NPAS3: variants seen among roughly 807,000 people sequenced by gnomAD.
The protein encoded by NPAS3 is neuronal PAS domain protein 3.
In NPAS3, 14 loss-of-function variants were observed where a neutral mutation model predicts 73.1. The ratio of observed to expected loss-of-function variants is 0.19; its 90% CI spans 0.13 to 0.30. The LOEUF (loss-of-function observed/expected upper bound fraction) is 0.30, where lower values mean the gene tolerates loss of function less well. Ranked by LOEUF, NPAS3 falls within the 10% of genes least tolerant of loss-of-function variation. The probability of loss-of-function intolerance (pLI) is 1.00; values close to 1 mark genes in which losing one functional copy is unlikely to be tolerated. For synonymous variants in NPAS3, 620 were observed against 541.5 expected (o/e 1.14, Z -2.01); for missense variants, 1,096 against 1,250.0 (o/e 0.88, Z 1.86).
At chr14:33,501,775 C>A (rs1428685152) in intron 4 of NPAS3, among the ~76,000 whole-genome samples, 2 of 151,824 alleles carry the variant, frequency 1.3e-5, no homozygotes, top group Non-Finnish European at 1.5e-5. Context: ...CTCCTAAGAC[C>A]TCCTTTAAGA....
chr14:33,186,832 T>G (rs2045994497), intron 2 of NPAS3, among the ~76,000 whole-genome samples: 1 of 152,152 alleles, frequency 6.6e-6, no homozygotes, highest in Non-Finnish European at 1.5e-5. Context: ...AGGGATGGTT[T>G]TGTCCCTAGG....
At chr14:33,129,757 T>C (rs4982054) in intron 2 of NPAS3, among the ~76,000 whole-genome samples, 9 of 152,082 alleles carry the variant, frequency 5.9e-5, no homozygotes, top group Admixed American at 1.3e-4. Context: ...TGTTCAGAGG[T>C]AGAAGATTTT....
intron 4 of NPAS3, among the ~76,000 whole-genome samples, chr14:33,402,586 A>C (rs900402408): frequency 6.6e-6 from 1 of 152,154 alleles, no homozygotes; most frequent in Non-Finnish European, 1.5e-5. Flanking sequence ...TGCCTCCACC[A>C]GACTTTCAGA....
intron 4 of NPAS3, among the ~76,000 whole-genome samples, chr14:33,435,256 A>G (rs2048941039): frequency 6.6e-6 from 1 of 152,220 alleles, no homozygotes; most frequent in Non-Finnish European, 1.5e-5. Flanking sequence ...AAACCTGGTC[A>G]AATAAGATTG....
intron 4 of NPAS3, among the ~76,000 whole-genome samples, chr14:33,470,017 T>C (rs547797645): frequency 2.8e-4 from 42 of 152,292 alleles, no homozygotes; most frequent in African/African-American, 9.9e-4. Context: ...TTTCTGCTGA[T>C]TGACCCTGCC....
chr14:33,543,971 A>G (rs1213988630), intron 4 of NPAS3, among the ~76,000 whole-genome samples: 1 of 32,642 alleles, frequency 3.1e-5, no homozygotes, highest in Non-Finnish European at 5.0e-5. Context: ...ATATATATAT[A>G]TATATATATA....
chr14:33,787,636 A>G (rs1595615547), intron 9 of NPAS3, among the ~76,000 whole-genome samples: 1 of 151,724 alleles, frequency 6.6e-6, no homozygotes, highest in Non-Finnish European at 1.5e-5. Context: ...CAATTTCTGG[A>G]TGCCTGCTAT....
rs563471288 is a variant in NPAS3 at position 33,541,722 on chromosome 14, C to T, written c.469-18399C>T. 1.7e-4 allele frequency among the ~76,000 whole-genome samples: 26 copies of T among 152,268 alleles called. No individual in the cohort carries two copies. In the South Asian group the frequency reaches 5.4e-3, roughly 32 times the overall value. On this transcript the variant is annotated intron_variant, in intron 4 of 11. Coordinates refer to ENST00000356141, the Ensembl canonical transcript of NPAS3. ...ATGAAAGGGCTATCTGTACAAACAC[C>T]AGGAGTTTTTCTCTTGCTTGGTCCA...
intron 2 of NPAS3, among the ~76,000 whole-genome samples, chr14:33,064,084 G>C (rs928048153): frequency 1.3e-5 from 2 of 152,076 alleles, no homozygotes; most frequent in African/African-American, 4.8e-5. Flanking sequence ...CCTTAAAGGA[G>C]ATCATTGTGA....
intron 5 of NPAS3, among the ~76,000 whole-genome samples, chr14:33,642,791 C>A (rs1339747539): frequency 6.6e-6 from 1 of 152,146 alleles, no homozygotes; most frequent in Admixed American, 6.5e-5. Context: ...CTGAACCTCT[C>A]TTCCGGTGGT....
At chr14:33,502,454 C>G (rs1356563851) in intron 4 of NPAS3, among the ~76,000 whole-genome samples, 2 of 151,856 alleles carry the variant, frequency 1.3e-5, no homozygotes, top group African/African-American at 4.8e-5. Flanking sequence ...CTGTCCTGAC[C>G]CGACTTCTGC....
chr14:33,793,681 C>T (rs897438620), intron 9 of NPAS3, among the ~76,000 whole-genome samples: 2 of 152,204 alleles, frequency 1.3e-5, no homozygotes, highest in African/African-American at 4.8e-5. Flanking sequence ...AGTCTTGCTA[C>T]AAATGCCAGT....
At chr14:32,953,848 G>A (rs1026096983) in intron 1 of NPAS3, among the ~76,000 whole-genome samples, 30 of 152,198 alleles carry the variant, frequency 2.0e-4, no homozygotes, top group Middle Eastern at 6.8e-3. Flanking sequence ...TTTAAAACAG[G>A]CAGTAAACAT....
At chr14:33,251,144 T>C (rs936645989) in intron 3 of NPAS3, among the ~76,000 whole-genome samples, 5 of 152,104 alleles carry the variant, frequency 3.3e-5, no homozygotes, top group African/African-American at 1.2e-4. Flanking sequence ...CATGCTGCCT[T>C]TTGTCAGTAA....
rs146086263 is a variant in NPAS3 at position 32,996,097 on chromosome 14, A to T, written c.50+56731A>T. Among the ~76,000 whole-genome samples, 870 of 152,276 alleles carry T rather than the reference A, an allele frequency of 5.7e-3. 8 individuals are homozygous for T. Among genetic ancestry groups the T allele is most frequent in the African/African-American group, 0.02 (823 of 41,542 alleles). On this transcript the variant is annotated intron_variant, in intron 1 of 11. Coordinates refer to ENST00000356141, the Ensembl canonical transcript of NPAS3. ...AATGGAGATGAGGAACTTTTTGGGA[A>T]CTGGAGCAAAGGTGACTCTTGTTAT...
At chr14:33,726,041 C>A (rs2225043) in intron 6 of NPAS3, among the ~76,000 whole-genome samples, 19,084 of 152,154 alleles carry the variant, frequency 0.13, 1,433 homozygotes, top group East Asian at 0.24. Flanking sequence ...CTCTGTTCCT[C>A]ATTCAATATC....
intron 6 of NPAS3, among the ~76,000 whole-genome samples, chr14:33,720,456 CG>C (rs1485663369): frequency 1.3e-5 from 2 of 152,146 alleles, no homozygotes; most frequent in African/African-American, 2.4e-5. Context: ...TTGATTGCTA[CG>C]TGGGTCAGGG....
intron 3 of NPAS3, among the ~76,000 whole-genome samples, chr14:33,289,763 G>A (rs1321936780): frequency 1.3e-5 from 2 of 151,242 alleles, no homozygotes. Context: ...CGGAGGTTAC[G>A]TTGAGCCGAG....
chr14:33,051,296 A>AAAGAG (rs771840433), intron 1 of NPAS3, among the ~76,000 whole-genome samples: 1 of 142,528 alleles, frequency 7.0e-6, no homozygotes, highest in African/African-American at 2.8e-5. Flanking sequence ...AAAAAAAAAA[A>AAAGAG]AGAGAGACTA....
Sources: gnomAD v4.1 joint callset for allele counts (sites outside exome capture counted in the v4.1 genomes callset) on GRCh38, gnomAD v4.1.1 for gene constraint, MANE v1.5 for transcripts, NCBI Gene and HGNC (gene_info 2026-07-23, HGNC 2026-07-21) for gene names.